The following ATP8A2 variants were observed in gnomAD, a reference collection of about 807,000 sequenced individuals.
ATP8A2 encodes ATPase phospholipid transporting 8A2.
A neutral mutation model predicts 165.6 loss-of-function variants in ATP8A2; 100 were observed. That is an observed-to-expected ratio of 0.60 (90% CI 0.51 to 0.71). The LOEUF (loss-of-function observed/expected upper bound fraction) is 0.71, where lower values mean the gene tolerates loss of function less well. Ranked by LOEUF, ATP8A2 falls within the 30% of genes least tolerant of loss-of-function variation. The pLI, the probability that ATP8A2 is intolerant of heterozygous loss-of-function variation, is 0.00. For synonymous variants in ATP8A2, 543 were observed against 548.8 expected, an observed-to-expected ratio of 0.99 and a Z score of 0.15; for missense variants, 1,227 against 1,479.5, an observed-to-expected ratio of 0.83 and a Z score of 2.80.
At chr13:25,998,709 A>AG (rs1956569362) in intron 35 of ATP8A2, among the ~76,000 whole-genome samples, 1 of 152,168 alleles carries the variant, frequency 6.6e-6, no homozygotes, top group Admixed American at 6.5e-5. Flanking sequence ...AGTTGGGTCC[A>AG]GGGAGGACTG....
At chr13:25,884,771 C>CAG (rs765466885) in intron 33 of ATP8A2, among the ~76,000 whole-genome samples, 1 of 152,212 alleles carries the variant, frequency 6.6e-6, no homozygotes, top group African/African-American at 2.4e-5. Flanking sequence ...CCTGGGTGAA[C>CAG]AGAGTTTGAT....
chr13:25,860,098 G>A, intron 30 of ATP8A2, 97 bp from the exon 31 acceptor site: 1 of 700,920 alleles, frequency 1.4e-6, no homozygotes. Flanking sequence ...TCTGTGAGTT[G>A]ATTGATGTTC....
chr13:25,756,343 T>G (rs1209776349), intron 25 of ATP8A2, among the ~76,000 whole-genome samples: 3 of 151,556 alleles, frequency 2.0e-5, no homozygotes, highest in African/African-American at 7.3e-5. Context: ...TTTTTTTTTT[T>G]TGAGACAGGG....
At chr13:25,432,339 A>T (rs1182544194) in intron 1 of ATP8A2, among the ~76,000 whole-genome samples, 1 of 152,164 alleles carries the variant, frequency 6.6e-6, no homozygotes, top group Non-Finnish European at 1.5e-5. Context: ...GCCAGAAAAC[A>T]ACTTTTGTGC....
intron 24 of ATP8A2, among the ~76,000 whole-genome samples, chr13:25,676,812 C>A (rs374034439): frequency 5.9e-5 from 9 of 152,092 alleles, no homozygotes; most frequent in African/African-American, 2.2e-4. Context: ...TCTCTGTAGT[C>A]GATTAAAATC....
intron 30 of ATP8A2, among the ~76,000 whole-genome samples, chr13:25,854,742 G>A (rs966324162): frequency 1.3e-5 from 2 of 152,200 alleles, no homozygotes; most frequent in African/African-American, 4.8e-5. Flanking sequence ...GCCCAATACA[G>A]TCGCCATTAG....
rs1445236011 is a variant in ATP8A2, at chr13:26,020,668, GCGC to G, written c.*685_*687del. ...GGCCCAGTCCTGCCGCCGTGTCCAG[GCGC>G]CCCTCACCCCCACACCTGCTGCATG... On this transcript the variant is annotated 3_prime_UTR_variant, in exon 37 of 37. Transcript: ENST00000381655. 1 of 152,996 alleles carries G rather than the reference GCGC, an allele frequency of 6.5e-6. No individual in the cohort carries two copies. The highest frequency in any genetic ancestry group is 1.5e-5 in the Non-Finnish European group (1 of 68,762). 9.5% of individuals were successfully genotyped at this position (152,996 alleles called of 1,614,324 possible).
intron 25 of ATP8A2, among the ~76,000 whole-genome samples, chr13:25,753,727 G>A (rs182995869): frequency 1.2e-4 from 18 of 152,298 alleles, no homozygotes; most frequent in South Asian, 2.1e-4. Flanking sequence ...ACAGCCATGT[G>A]TTGCTCCCTG....
chr13:25,618,857 G>A (rs1373146618), intron 24 of ATP8A2, among the ~76,000 whole-genome samples: 5 of 151,840 alleles, frequency 3.3e-5, no homozygotes, highest in Admixed American at 2.6e-4. Flanking sequence ...CTTGGGTGGT[G>A]GAAAAGGGCT....
At chr13:25,625,997 A>G (rs1056392998) in intron 24 of ATP8A2, among the ~76,000 whole-genome samples, 1 of 152,146 alleles carries the variant, frequency 6.6e-6, no homozygotes, top group Non-Finnish European at 1.5e-5. Context: ...TGATGTTTCA[A>G]AGGTTATACA....
intron 24 of ATP8A2, among the ~76,000 whole-genome samples, chr13:25,616,502 T>G (rs1413580883): frequency 1.3e-5 from 2 of 151,978 alleles, no homozygotes; most frequent in African/African-American, 4.8e-5. Flanking sequence ...CAGATAATTT[T>G]GTTATTTTTA....
intron 30 of ATP8A2, among the ~76,000 whole-genome samples, chr13:25,844,363 TG>T (rs1177976525): frequency 2.0e-5 from 3 of 152,062 alleles, no homozygotes; most frequent in Non-Finnish European, 4.4e-5. Context: ...CCTGAGTAGC[TG>T]GAATTACAGG....
At chr13:25,623,928 TAC>T (rs747231165) in intron 24 of ATP8A2, among the ~76,000 whole-genome samples, 10 of 152,148 alleles carry the variant, frequency 6.6e-5, no homozygotes, top group Non-Finnish European at 1.5e-4. Flanking sequence ...TGCATATATA[TAC>T]ATGCATAAAT....
At chr13:25,402,948 T>G (rs1420416351) in intron 1 of ATP8A2, among the ~76,000 whole-genome samples, 1 of 152,172 alleles carries the variant, frequency 6.6e-6, no homozygotes, top group Non-Finnish European at 1.5e-5. Context: ...AGATGGTGCC[T>G]TCTTGCCATG....
intron 6 of ATP8A2, among the ~76,000 whole-genome samples, chr13:25,537,457 ATG>A (rs1244507099): frequency 1.3e-5 from 2 of 152,206 alleles, no homozygotes; most frequent in African/African-American, 4.8e-5. Context: ...AGAAAAATTT[ATG>A]TGTGTTAACT....
chr13:25,646,340 A>G (rs1307111558), intron 24 of ATP8A2, among the ~76,000 whole-genome samples: 2 of 152,036 alleles, frequency 1.3e-5, no homozygotes, highest in African/African-American at 2.4e-5. Context: ...TAGGCATTAT[A>G]TAGTTTAGCC....
chr13:25,582,074 C>A, intron 23 of ATP8A2, 117 bp downstream of exon 23: 1 of 1,055,376 alleles, frequency 9.5e-7, no homozygotes, highest in Non-Finnish European at 1.3e-6. Context: ...TTATAGGAAT[C>A]TTCATTCACA....
chr13:25,876,628 C>T (rs1023980152), intron 33 of ATP8A2, among the ~76,000 whole-genome samples: 1 of 152,072 alleles, frequency 6.6e-6, no homozygotes, highest in African/African-American at 2.4e-5. Context: ...CATAGTAACT[C>T]GGAATTTTGC....
At chr13:25,878,667 C>T (rs1952885799) in intron 33 of ATP8A2, among the ~76,000 whole-genome samples, 1 of 151,956 alleles carries the variant, frequency 6.6e-6, no homozygotes, top group Non-Finnish European at 1.5e-5. Flanking sequence ...GGAATGCAAG[C>T]CCAGTAGGTC....
Sources: allele counts gnomAD v4.1 joint callset (sites outside exome capture counted in the v4.1 genomes callset), GRCh38; gene constraint gnomAD v4.1.1; transcripts MANE v1.5; gene names NCBI Gene and HGNC (gene_info 2026-07-23, HGNC 2026-07-21).